The following WWTR1 variants were observed in gnomAD, a reference collection of about 807,000 sequenced individuals.
The protein encoded by WWTR1 is WW domain containing transcription regulator 1.
A neutral mutation model predicts 40.1 loss-of-function variants in WWTR1; 13 were observed. That is an observed-to-expected ratio of 0.32 (90% confidence interval 0.21 to 0.52). The LOEUF (loss-of-function observed/expected upper bound fraction) is 0.52. Among genes scored for constraint, WWTR1 ranks in the 20% least tolerant of loss-of-function variants. The pLI, the probability that WWTR1 is intolerant of heterozygous loss-of-function variation, is 0.97. For synonymous variants in WWTR1, 230 were observed against 210.1 expected (o/e 1.09, Z -0.82); for missense variants, 436 against 523.1 (o/e 0.83, Z 1.63).
At chr3:149,689,243 T>C (rs1190756079) in intron 1 of WWTR1, among the ~76,000 whole-genome samples, 1 of 151,842 alleles carries the variant, frequency 6.6e-6, no homozygotes, top group Admixed American at 6.6e-5. Flanking sequence ...TAGTGGGGCA[T>C]GGTGGTTTGC....
chr3:149,684,199 A>AT (rs1477646463), intron 1 of WWTR1, among the ~76,000 whole-genome samples: 1 of 152,062 alleles, frequency 6.6e-6, no homozygotes, highest in Non-Finnish European at 1.5e-5. Context: ...ATATAATCAC[A>AT]TAAGTAGAGA....
intron 2 of WWTR1, chr3:149,576,166 G>C (rs1737869512): frequency 2.2e-6 from 1 of 452,808 alleles, no homozygotes; most frequent in African/African-American, 2.0e-5. Flanking sequence ...TCAGCTGTAA[G>C]GCTGCGCTAA....
chr3:149,576,431 C>T (rs1313168539), intron 2 of WWTR1, among the ~76,000 whole-genome samples: 1 of 152,130 alleles, frequency 6.6e-6, no homozygotes, highest in African/African-American at 2.4e-5. Flanking sequence ...TTTCCTTTCT[C>T]GTATTTCACA....
chr3:149,626,775 G>A (rs1740563478), intron 2 of WWTR1, among the ~76,000 whole-genome samples: 1 of 152,242 alleles, frequency 6.6e-6, no homozygotes, highest in East Asian at 1.9e-4. Flanking sequence ...GCATAAAGGT[G>A]CATCTAAGAA....
chr3:149,566,157 C>T (rs889978924), intron 3 of WWTR1, among the ~76,000 whole-genome samples: 4 of 151,930 alleles, frequency 2.6e-5, no homozygotes, highest in African/African-American at 9.7e-5. Context: ...GGTGAGACGC[C>T]CCAATCTCTA....
At chr3:149,707,038 C>A (rs996625391), upstream of WWTR1, among the ~76,000 whole-genome samples, 19 of 152,172 alleles carry the variant, frequency 1.2e-4, no homozygotes, top group Non-Finnish European at 2.2e-4. Flanking sequence ...CTCAGATGGG[C>A]CTTCAGTAAC....
At chr3:149,659,922 T>TTTTG (rs1237227171), upstream of WWTR1, 1 of 145,676 alleles carries the variant, frequency 6.9e-6, no homozygotes, top group African/African-American at 2.5e-5. Context: ...GTATCATCCT[T>TTTTG]TTTTTTTTTT....
intron 2 of WWTR1, among the ~76,000 whole-genome samples, chr3:149,620,665 G>A (rs1231188383): frequency 6.6e-6 from 1 of 151,492 alleles, no homozygotes; most frequent in East Asian, 1.9e-4. Context: ...TTTTATAGCA[G>A]CCAACACAAA....
intron 2 of WWTR1, among the ~76,000 whole-genome samples, chr3:149,629,719 C>T (rs1392595349): frequency 6.6e-6 from 1 of 152,132 alleles, no homozygotes; most frequent in Non-Finnish European, 1.5e-5. Context: ...CTGTTGATGA[C>T]ACATATTAAA....
chr3:149,558,256 A>AT (rs1736927848), intron 3 of WWTR1, among the ~76,000 whole-genome samples: 1 of 152,094 alleles, frequency 6.6e-6, no homozygotes, highest in African/African-American at 2.4e-5. Flanking sequence ...TGTGACTCTA[A>AT]TAAACATAGC....
intron 1 of WWTR1, among the ~76,000 whole-genome samples, chr3:149,676,352 GT>G (rs1472394924): frequency 1.3e-5 from 2 of 152,122 alleles, no homozygotes; most frequent in African/African-American, 2.4e-5. Flanking sequence ...AGCATCTCTG[GT>G]TTTAAAGGGG....
intron 1 of WWTR1, among the ~76,000 whole-genome samples, chr3:149,693,837 T>A (rs911031473): frequency 1.3e-5 from 2 of 152,156 alleles, no homozygotes; most frequent in Non-Finnish European, 2.9e-5. Context: ...ATACAAAATA[T>A]CTTGTATTTT....
chr3:149,662,026 C>A (rs554530159), upstream of WWTR1, among the ~76,000 whole-genome samples: 2 of 152,106 alleles, frequency 1.3e-5, no homozygotes, highest in South Asian at 2.1e-4. Context: ...CCACCTCGCC[C>A]GGCCAAATAA....
chr3:149,543,190 A>C (rs569695887), intron 3 of WWTR1, among the ~76,000 whole-genome samples: 2 of 152,248 alleles, frequency 1.3e-5, no homozygotes, highest in Admixed American at 1.3e-4. Context: ...GAAATGCTAA[A>C]CATGTTGTGC....
chr3:149,650,633 TC>T (rs1236787804), intron 2 of WWTR1, among the ~76,000 whole-genome samples: 1 of 143,372 alleles, frequency 7.0e-6, no homozygotes, highest in East Asian at 2.1e-4. Flanking sequence ...CCTGCTCATC[TC>T]CCCCTTCTCC....
chr3:149,546,845 C>T (rs1256675578), intron 3 of WWTR1, among the ~76,000 whole-genome samples: 1 of 152,078 alleles, frequency 6.6e-6, no homozygotes, highest in Admixed American at 6.5e-5. Context: ...TGCAACCTCT[C>T]CTTATGGAGA....
chr3:149,595,364 A>G (rs538627476), intron 2 of WWTR1, among the ~76,000 whole-genome samples: 1 of 152,302 alleles, frequency 6.6e-6, no homozygotes, highest in African/African-American at 2.4e-5. Flanking sequence ...CAAAAACAAA[A>G]GAAAAAAATA....
intron 4 of WWTR1, among the ~76,000 whole-genome samples, chr3:149,722,720 T>C (rs949670618): frequency 1.3e-5 from 2 of 151,968 alleles, no homozygotes; most frequent in Admixed American, 1.3e-4. Context: ...GTTCCTCCAG[T>C]CTTTTTTCTG....
At chr3:149,690,987 G>C (rs750780154) in intron 1 of WWTR1, among the ~76,000 whole-genome samples, 2 of 152,126 alleles carry the variant, frequency 1.3e-5, no homozygotes, top group African/African-American at 2.4e-5. Flanking sequence ...CAATGCTCCT[G>C]AATGACCAGT....
Sources: allele counts gnomAD v4.1 joint callset (sites outside exome capture counted in the v4.1 genomes callset), GRCh38; gene constraint gnomAD v4.1.1; transcripts MANE v1.5; gene names NCBI Gene and HGNC (gene_info 2026-07-23, HGNC 2026-07-21).